IQCM: variants seen among roughly 807,000 people sequenced by gnomAD.
IQCM encodes IQ motif containing M.
IQCM carries 45 observed loss-of-function variants against 57.6 expected under a neutral mutation model. The ratio of observed to expected loss-of-function variants is 0.78; its 90% CI spans 0.62 to 1.00. The LOEUF (loss-of-function observed/expected upper bound fraction) is 1.00, where lower values mean the gene tolerates loss of function less well. IQCM is among the 50% of genes least tolerant of loss of function. IQCM has a pLI of 0.00. For missense variants in IQCM, 468 were observed against 511.6 expected (o/e 0.91, Z 0.82); for synonymous variants, 148 against 158.9 (o/e 0.93, Z 0.51).
chr4:149,512,495 T>C (rs1480835574), intron 12 of IQCM, among the ~76,000 whole-genome samples: 3 of 152,232 alleles, frequency 2.0e-5, no homozygotes, highest in Non-Finnish European at 4.4e-5. Flanking sequence ...TAAATTTTAA[T>C]GGACAGCTTT....
intron 12 of IQCM, among the ~76,000 whole-genome samples, chr4:149,446,614 GTCTTACATTTACTCATTTATTAA>G (rs1736539281): frequency 6.6e-6 from 1 of 151,520 alleles, no homozygotes; most frequent in Admixed American, 6.6e-5. Flanking sequence ...GAAATAATGG[GTCTTACATTTACTCATTTATTAA>G]CTGTAGCATT....
intron 12 of IQCM, among the ~76,000 whole-genome samples, chr4:149,536,037 C>G (rs1384853848): frequency 6.6e-6 from 1 of 151,950 alleles, no homozygotes; most frequent in Non-Finnish European, 1.5e-5. Context: ...GATTAGGTAG[C>G]TAAAGCAAGG....
chr4:149,556,409 G>T (rs751047811), intron 10 of IQCM, among the ~76,000 whole-genome samples: 7 of 151,736 alleles, frequency 4.6e-5, no homozygotes, highest in African/African-American at 1.2e-4. Context: ...GTTTGTAAGA[G>T]ATTTTTATAT....
chr4:149,694,345 C>T (rs920507728), intron 5 of IQCM, among the ~76,000 whole-genome samples: 2 of 149,856 alleles, frequency 1.3e-5, no homozygotes, highest in African/African-American at 4.9e-5. Flanking sequence ...CTGCCTCAGC[C>T]TCCCAAGTAG....
intron 13 of IQCM, among the ~76,000 whole-genome samples, chr4:149,388,396 G>A (rs1045622240): frequency 7.3e-5 from 11 of 150,398 alleles, no homozygotes; most frequent in East Asian, 2.0e-4. Context: ...CATAGTGAGC[G>A]TGAAGTAGAC....
intron 5 of IQCM, among the ~76,000 whole-genome samples, chr4:149,703,726 T>C (rs1226228110): frequency 6.6e-6 from 1 of 151,908 alleles, no homozygotes; most frequent in Non-Finnish European, 1.5e-5. Context: ...TTTAACAATA[T>C]GTAGAAAGCA....
chr4:149,475,844 G>A lies in IQCM; in HGVS notation c.1229-42287C>T, dbSNP rs145588763. On this transcript the variant is annotated intron_variant, in intron 12 of 13. Transcript: ENST00000636793. Reference sequence around the variant, plus strand: ...TGGCCATTAGAGTCAGCCAAATGAAGGTTATTGGTGACCTTGACATGAGCA... The same window carrying A: ...TGGCCATTAGAGTCAGCCAAATGAAAGTTATTGGTGACCTTGACATGAGCA... Among the ~76,000 whole-genome samples the A allele has an allele frequency of 3.2e-4, 48 of 152,246 alleles. No homozygotes were observed. The East Asian group carries it at 8.5e-3, about 27-fold the overall frequency.
rs139207784 is a variant in IQCM, at chr4:149,423,610, T to C, written c.1390+9786A>G. Reference sequence around the variant, plus strand: ...CTTTAGCTTTCCTCTCAACATTGCTTAGCAGAACAACGGAGCACTCACTGT... The same window carrying C: ...CTTTAGCTTTCCTCTCAACATTGCTCAGCAGAACAACGGAGCACTCACTGT... On this transcript the variant is annotated intron_variant, in intron 13 of 13. Transcript: ENST00000636793. Among the ~76,000 whole-genome samples the C allele has an allele frequency of 2.0e-3, 301 of 152,158 alleles. 3 individuals carry two copies. Among genetic ancestry groups the C allele is most frequent in the African/African-American group, 6.7e-3 (280 of 41,560 alleles).
intron 5 of IQCM, among the ~76,000 whole-genome samples, chr4:149,687,716 C>T (rs914425925): frequency 6.6e-6 from 1 of 151,914 alleles, no homozygotes; most frequent in East Asian, 1.9e-4. Context: ...TACTAGCTAA[C>T]TGAGTCCAAC....
chr4:149,494,920 G>A (rs959596750), intron 12 of IQCM, among the ~76,000 whole-genome samples: 2 of 152,046 alleles, frequency 1.3e-5, no homozygotes, highest in African/African-American at 2.4e-5. Context: ...GGTTGTATGG[G>A]GCCAAAGTGA....
chr4:149,639,425 T>TAAA (rs1284156035), intron 7 of IQCM, among the ~76,000 whole-genome samples: 3 of 120,404 alleles, frequency 2.5e-5, no homozygotes, highest in Non-Finnish European at 3.5e-5. Context: ...GATCCTGTCT[T>TAAA]AAAAAAAAAA....
chr4:149,581,260 T>C (rs1752150605), intron 9 of IQCM, among the ~76,000 whole-genome samples: 2 of 150,980 alleles, frequency 1.3e-5, no homozygotes, highest in African/African-American at 4.9e-5. Flanking sequence ...AGTACTTCAA[T>C]TCATATATAT....
chr4:149,759,645 T>TA (rs1322113410), intron 2 of IQCM, among the ~76,000 whole-genome samples: 1 of 152,116 alleles, frequency 6.6e-6, no homozygotes, highest in African/African-American at 2.4e-5. Flanking sequence ...AAACTTCTCT[T>TA]AAAAAATTAA....
intron 2 of IQCM, among the ~76,000 whole-genome samples, chr4:149,759,966 C>A (rs1437653646): frequency 6.6e-6 from 1 of 150,722 alleles, no homozygotes; most frequent in South Asian, 2.1e-4. Context: ...AAAACTAGTT[C>A]TTTGTAAATA....
intron 5 of IQCM, among the ~76,000 whole-genome samples, chr4:149,704,182 C>T (rs1412563759): frequency 6.6e-6 from 1 of 151,862 alleles, no homozygotes; most frequent in Non-Finnish European, 1.5e-5. Flanking sequence ...TAACATATCA[C>T]ATACACTATA....
chr4:149,626,432 T>TTTTC (rs1756819088), intron 7 of IQCM, among the ~76,000 whole-genome samples: 1 of 143,540 alleles, frequency 7.0e-6, no homozygotes, highest in Admixed American at 7.0e-5. Flanking sequence ...GACATACTAT[T>TTTTC]TTGCTATCTG....
intron 5 of IQCM, among the ~76,000 whole-genome samples, chr4:149,699,695 CA>C (rs34250922): frequency 0.049 from 1,270 of 25,936 alleles, 2 homozygotes; most frequent in African/African-American, 0.079. Context: ...GTTTGAGTGG[CA>C]AAAAAAAAAA....
chr4:149,711,127 T>C (rs1445146275), intron 5 of IQCM: 1 of 152,104 alleles, frequency 6.6e-6, no homozygotes, highest in South Asian at 2.1e-4. Flanking sequence ...TAGTTCTTCA[T>C]GAAAATAAAA....
chr4:149,714,432 G>C (rs538439732), intron 5 of IQCM, among the ~76,000 whole-genome samples: 1 of 152,100 alleles, frequency 6.6e-6, no homozygotes, highest in South Asian at 2.1e-4. Flanking sequence ...ACTGATACTG[G>C]TCCTTTCCCA....
Sources: allele counts gnomAD v4.1 joint callset (sites outside exome capture counted in the v4.1 genomes callset), GRCh38; gene constraint gnomAD v4.1.1; transcripts MANE v1.5; gene names NCBI Gene and HGNC (gene_info 2026-07-23, HGNC 2026-07-21).